PMAIP1: variants seen among roughly 807,000 people sequenced by gnomAD.
PMAIP1 encodes the protein PMA-induced protein 1.
A neutral mutation model predicts 3.7 loss-of-function variants in PMAIP1; 3 were observed. The observed-to-expected ratio is 0.82, with a 90% CI of 0.37 to 2.12. PMAIP1 has a LOEUF of 2.12. Ranked by LOEUF, PMAIP1 falls within the 30% of genes most tolerant of loss-of-function variation. PMAIP1 has a pLI of 0.06. For missense variants in PMAIP1, 77 were observed against 67.1 expected (o/e 1.15, Z -0.52); for synonymous variants, 29 against 26.2 (o/e 1.11, Z -0.32).
intron 1 of PMAIP1, among the ~76,000 whole-genome samples, chr18:59,901,769 A>G (rs1235232751): frequency 3.9e-5 from 6 of 152,224 alleles, no homozygotes; most frequent in Non-Finnish European, 5.9e-5. Context: ...TTGAAATTAT[A>G]GTCAGTATAG....
chr18:59,900,124 T>C lies in PMAIP1; in HGVS notation c.-54T>C. On this transcript the variant is annotated 5_prime_UTR_variant, in exon 1 of 2. Transcript: ENST00000316660. ...CTGCAGCTGTCCGAGGTGCTCCAGT[T>C]GGAGGCTGAGGTTCCCGGGCTCTGT... 6.5e-7 allele frequency: 1 copy of C among 1,532,228 alleles called. No individual in the cohort carries two copies. The allele number at this position is 1,532,228 out of a possible 1,614,324, so 94.9% of individuals were successfully genotyped here. A position where few individuals can be genotyped will look rare whatever the true frequency, so the allele number is the denominator to read the frequency against.
intron 1 of PMAIP1, 26 bp from the exon 2 acceptor site, chr18:59,902,621 T>C (rs2055780073): frequency 1.6e-5 from 25 of 1,596,240 alleles, no homozygotes; most frequent in Non-Finnish European, 2.1e-5. Flanking sequence ...TCAATGTTCA[T>C]GTCCATGTTT....
In PMAIP1 at chr18:59,902,723, G is replaced by T. The variant is rs1347744421; in HGVS notation, c.135G>T (p.Leu45=). Residue 45 remains leucine, a synonymous_variant, in exon 2 of 2, where the codon CTG becomes CTT. Coordinates refer to ENST00000316660, the MANE Select transcript of PMAIP1 (RefSeq NM_021127.3). ...KLNFRQKLLN[L]ISKLFCSGT The stretch of plus-strand genomic sequence containing the variant: ...ACTTCCGGCAGAAACTTCTGAATCT[G>T]ATATCCAAACTCTTCTGCTCAGGAA... 1 of 1,613,994 alleles carries T rather than the reference G, an allele frequency of 6.2e-7. No homozygotes were observed. The highest frequency in any genetic ancestry group is 1.3e-5 in the African/African-American group (1 of 74,912).
chr18:59,903,263 C>A lies in PMAIP1; in HGVS notation c.*510C>A. ...ATAATGAAAAAACTCATTCTGAGAA[C>A]ACTGAAATGTTATACTCAGTGTTGA... is the stretch of plus-strand genomic sequence containing the variant. On this transcript the variant is annotated 3_prime_UTR_variant, in exon 2 of 2. Coordinates refer to ENST00000316660, the MANE Select transcript of PMAIP1 (RefSeq NM_021127.3). 1 of 186,388 alleles carries A rather than the reference C, an allele frequency of 5.4e-6. No homozygotes were observed. Among genetic ancestry groups the A allele is most frequent in the Non-Finnish European group, 1.1e-5 (1 of 87,520 alleles). 11.5% of individuals were successfully genotyped at this position (186,388 alleles called of 1,614,324 possible). A position where few individuals can be genotyped will look rare whatever the true frequency, so the allele number is the denominator to read the frequency against.
Position 59,903,809 on chromosome 18 carries a change from T to A in PMAIP1, c.*1056T>A, listed in dbSNP as rs1487404724. 6.6e-6 allele frequency: 1 copy of A among 152,168 alleles called. No homozygotes were observed. Among genetic ancestry groups the A allele is most frequent in the Admixed American group, 6.5e-5 (1 of 15,286 alleles). The allele number at this position is 152,168 out of a possible 1,614,324, so 9.4% of individuals were successfully genotyped here. On this transcript the variant is annotated 3_prime_UTR_variant, in exon 2 of 2. Transcript: ENST00000316660. ...ATATGCATTGGTGAATATATATGTA[T>A]ACACATACTTACATACTTATATGGG...
At chr18:59,900,323 C>T (rs998298512) in intron 1 of PMAIP1, 88 bp downstream of exon 1, 1 of 1,511,330 alleles carries the variant, frequency 6.6e-7, no homozygotes, top group Non-Finnish European at 8.8e-7. Context: ...CTCAGCTCGC[C>T]GGGGCTCAAG....
In PMAIP1 at chr18:59,903,227, A is replaced by G. The variant is rs988657611; in HGVS notation, c.*474A>G. 3 of 215,988 alleles carry G rather than the reference A, an allele frequency of 1.4e-5. No individual in the cohort carries two copies. Among genetic ancestry groups the G allele is most frequent in the East Asian group, 1.1e-4 (1 of 9,002 alleles). 13.4% of individuals were successfully genotyped at this position (215,988 alleles called of 1,614,324 possible). On this transcript the variant is annotated 3_prime_UTR_variant, in exon 2 of 2. Coordinates refer to ENST00000316660, the MANE Select transcript of PMAIP1 (RefSeq NM_021127.3). ...ATTGTATATGATTCGGTTTATACAT[A>G]TTACCTTGTTATAATGAAAAAACTC...
At position 59,902,819 on chromosome 18, in the gene PMAIP1, C is replaced by T. The variant is rs1357351275; in HGVS notation, c.*66C>T. ...TTTTCTCAGGAGGTGCACGTTTCAT[C>T]AATTTGAAGAAAGACTGCATTGTAA... On this transcript the variant is annotated 3_prime_UTR_variant, in exon 2 of 2. Transcript: ENST00000316660. The T allele has an allele frequency of 6.2e-7, 1 of 1,610,790 alleles. No individual in the cohort carries two copies. Among genetic ancestry groups the T allele is most frequent in the Non-Finnish European group, 8.5e-7 (1 of 1,178,170 alleles).
Position 59,900,197 on chromosome 18 carries a change from G to GC in PMAIP1, c.21dup (p.Lys8GlnfsTer80), listed in dbSNP as rs2055749329. On this transcript the variant is annotated frameshift_variant, in exon 1 of 2. Transcript: ENST00000316660. LOFTEE classifies it low-confidence loss of function (END_TRUNC). The stretch of plus-strand genomic sequence containing the variant: ...GCGGAGATGCCTGGGAAGAAGGCGC[G>GC]CAAGAACGCTCAACCGAGCCCCGCG... 6.4e-7 allele frequency: 1 copy of GC among 1,558,586 alleles called. No individual in the cohort carries two copies. Among genetic ancestry groups the GC allele is most frequent in the Non-Finnish European group, 8.7e-7 (1 of 1,155,016 alleles).
At chr18:59,902,609 C>T (rs746957301) in intron 1 of PMAIP1, 38 bp from the exon 2 acceptor site, 1 of 1,548,262 alleles carries the variant, frequency 6.5e-7, no homozygotes, top group East Asian at 2.2e-5. Context: ...TCTGTAATAT[C>T]ATCAATGTTC....
At chr18:59,902,466 TCA>T (rs2055778447) in intron 1 of PMAIP1, among the ~76,000 whole-genome samples, 179 bp from the exon 2 acceptor site, 1 of 152,184 alleles carries the variant, frequency 6.6e-6, no homozygotes, top group Non-Finnish European at 1.5e-5. Context: ...TTTCGGTGAG[TCA>T]CAATGTGTGT....
At position 59,902,959 on chromosome 18, in the gene PMAIP1, C is replaced by G. The variant is rs2055784015; in HGVS notation, c.*206C>G. The G allele has an allele frequency of 1.3e-6, 1 of 757,252 alleles. No homozygotes were observed. Among genetic ancestry groups the G allele is most frequent in the African/African-American group, 1.8e-5 (1 of 56,674 alleles). 46.9% of individuals were successfully genotyped at this position (757,252 alleles called of 1,614,324 possible). A position where few individuals can be genotyped will look rare whatever the true frequency, so the allele number is the denominator to read the frequency against. ...ATTATCATTCTTTGGGATGAGAGAA[C>G]ATTATAAAACCACTTTGTTTATTTT... On this transcript the variant is annotated 3_prime_UTR_variant, in exon 2 of 2. Transcript: ENST00000316660.
chr18:59,900,662 C>T (rs968861723), intron 1 of PMAIP1: 1 of 1,434,812 alleles, frequency 7.0e-7, no homozygotes, highest in African/African-American at 1.4e-5. Context: ...ACTCCCAGCG[C>T]TTCCAGAGAC....
rs1331684532 is a variant in PMAIP1 at position 59,903,141 on chromosome 18, G to A, written c.*388G>A. Reference sequence around the variant, plus strand: ...TAGACTGGGCGGCTGGGGAGAAACAGTTCAGTGCATTGTTGTTGTTGCTGT... The same window carrying A: ...TAGACTGGGCGGCTGGGGAGAAACAATTCAGTGCATTGTTGTTGTTGCTGT... On this transcript the variant is annotated 3_prime_UTR_variant, in exon 2 of 2. Coordinates refer to ENST00000316660, the MANE Select transcript of PMAIP1 (RefSeq NM_021127.3). The A allele has an allele frequency of 8.8e-6, 4 of 456,738 alleles. No homozygotes were observed. The highest frequency in any genetic ancestry group is 7.8e-5 in the African/African-American group (4 of 51,110). 28.3% of individuals were successfully genotyped at this position (456,738 alleles called of 1,614,324 possible).
Position 59,902,766 on chromosome 18 carries a change from CT to C in PMAIP1, c.*15del. 6.2e-7 allele frequency: 1 copy of C among 1,614,148 alleles called. No homozygotes were observed. The highest frequency in any genetic ancestry group is 1.6e-4 in the Middle Eastern group (1 of 6,062). ...CTCAGGAACCTGACTGCATCAAAAACTTGCATGAGGGGACTCCTTCAAAAGA... is the reference window on the plus strand; with the variant it reads ...CTCAGGAACCTGACTGCATCAAAAACTGCATGAGGGGACTCCTTCAAAAGA... On this transcript the variant is annotated 3_prime_UTR_variant, in exon 2 of 2. Transcript: ENST00000316660.
At position 59,900,227 on chromosome 18, in the gene PMAIP1, C is replaced by A; in HGVS notation, c.50C>A (p.Ala17Asp). 1 of 1,550,816 alleles carries A rather than the reference C, an allele frequency of 6.4e-7. No homozygotes were observed. The highest frequency in any genetic ancestry group is 8.7e-7 in the Non-Finnish European group (1 of 1,150,224). Residue 17 changes from alanine to aspartate, a missense_variant, in exon 1 of 2, where the codon GCT (alanine) becomes GAT (aspartate). By Grantham distance (126) the Ala-to-Asp change is moderately radical. Transcript: ENST00000316660. ...RKNAQPSPARAPAELEVECAT... is the reference protein window; with the variant it reads ...RKNAQPSPARDPAELEVECAT... ...AACGCTCAACCGAGCCCCGCGCGGG[C>A]TCCAGCAGGTACCGACCCGCTGGGG...
intron 1 of PMAIP1, chr18:59,900,446 G>T (rs766299291): frequency 6.5e-6 from 10 of 1,542,892 alleles, no homozygotes; most frequent in Non-Finnish European, 8.7e-6. Context: ...GGTACGGCGG[G>T]TACGGCGAGG....
Position 59,900,175 on chromosome 18 carries a change from G to T in PMAIP1, c.-3G>T. 3 of 1,559,032 alleles carry T rather than the reference G, an allele frequency of 1.9e-6. No homozygotes were observed. The highest frequency in any genetic ancestry group is 1.7e-6 in the Non-Finnish European group (2 of 1,155,810). ...AGCTGAGTGGGCGGCGGCACCGGCG[G>T]AGATGCCTGGGAAGAAGGCGCGCAA... On this transcript the variant is annotated 5_prime_UTR_variant, in exon 1 of 2. Coordinates refer to ENST00000316660, the MANE Select transcript of PMAIP1 (RefSeq NM_021127.3).
intron 1 of PMAIP1, chr18:59,900,596 G>A (rs1415691452): frequency 1.3e-6 from 2 of 1,549,736 alleles, no homozygotes; most frequent in Admixed American, 2.0e-5. Context: ...GCTGTCTCTA[G>A]GAGAAAGTCA....
Sources: gnomAD v4.1 joint callset for allele counts (sites outside exome capture counted in the v4.1 genomes callset) on GRCh38, gnomAD v4.1.1 for gene constraint, MANE v1.5 for transcripts, NCBI Gene and HGNC (gene_info 2026-07-23, HGNC 2026-07-21) for gene names.